The following ECHS1 variants were observed in gnomAD, a reference collection of about 807,000 sequenced individuals.
ECHS1 encodes enoyl-CoA hydratase, mitochondrial.
Under a neutral mutation model 33.5 loss-of-function variants are expected in ECHS1, and 19 were observed. The observed-to-expected ratio is 0.57, with a 90% CI of 0.40 to 0.83. The LOEUF is 0.83. ECHS1 is among the 40% of genes least tolerant of loss of function. The pLI, the probability that ECHS1 is intolerant of heterozygous loss-of-function variation, is 0.00. For missense variants in ECHS1, 365 were observed against 381.3 expected (o/e 0.96, Z 0.36); for synonymous variants, 158 against 146.6 (o/e 1.08, Z -0.56).
rs537624754 is a variant in ECHS1, at chr10:133,371,505, T to C, written c.89-748A>G. On this transcript the variant is annotated intron_variant, in intron 1 of 7. Coordinates refer to ENST00000368547, the MANE Select transcript of ECHS1 (RefSeq NM_004092.4). ...TTGGTACCGCCCCAGTGCCAAGACCTCTGGCCAACTGGACGCAGGGTGGGG... is the reference window on the plus strand; with the variant it reads ...TTGGTACCGCCCCAGTGCCAAGACCCCTGGCCAACTGGACGCAGGGTGGGG... The C allele has an allele frequency of 6.9e-4, 107 of 154,642 alleles. 1 individual carries two copies. The South Asian group carries it at 0.021, about 30-fold the overall frequency. 9.6% of individuals were successfully genotyped at this position (154,642 alleles called of 1,614,324 possible). A position where few individuals can be genotyped will look rare whatever the true frequency, so the allele number is the denominator to read the frequency against.
At chr10:133,363,763 G>C (rs1848996720) in intron 7 of ECHS1, among the ~76,000 whole-genome samples, 1 of 152,182 alleles carries the variant, frequency 6.6e-6, no homozygotes, top group Non-Finnish European at 1.5e-5. Flanking sequence ...CAGCCTGGAC[G>C]ACCGAGCAAG....
rs76117762 is a variant in ECHS1 at position 133,366,594 on chromosome 10, G to A, written c.619+295C>T. Among the ~76,000 whole-genome samples the A allele has an allele frequency of 6.2e-3, 920 of 149,204 alleles. 7 individuals are homozygous for A. The highest frequency in any genetic ancestry group is 0.022 in the African/African-American group (883 of 39,718). Reference sequence around the variant, plus strand: ...CCGTGGGGGCACTTGGATGCTGCCCGGGGTTTCTGTGGGGCTCCCACGAGG... The same window carrying A: ...CCGTGGGGGCACTTGGATGCTGCCCAGGGTTTCTGTGGGGCTCCCACGAGG... On this transcript the variant is annotated intron_variant, in intron 5 of 7. Transcript: ENST00000368547.
In ECHS1 at chr10:133,362,642, C is replaced by G. The variant is rs1848979879; in HGVS notation, c.*226G>C. On this transcript the variant is annotated 3_prime_UTR_variant, in exon 8 of 8. Transcript: ENST00000368547. ...TGCCCAGAGGGACCAGCGGGGGCTC[C>G]TCAGCAGAATCTTAGATTTAGAAGG... 1.7e-6 allele frequency: 1 copy of G among 582,322 alleles called. No homozygotes were observed. The highest frequency in any genetic ancestry group is 3.1e-6 in the Non-Finnish European group (1 of 326,036). 36.1% of individuals were successfully genotyped at this position (582,322 alleles called of 1,614,324 possible).
chr10:133,366,330 G>A (rs572812823), intron 5 of ECHS1, among the ~76,000 whole-genome samples: 6 of 152,360 alleles, frequency 3.9e-5, no homozygotes, highest in African/African-American at 1.2e-4. Flanking sequence ...CAGCTCCGAC[G>A]GCAGAGGCGG....
Position 133,369,969 on chromosome 10 carries a change from A to G in ECHS1, c.349T>C (p.Leu117=), listed in dbSNP as rs1849082679. The part of the protein sequence containing the change: ...SFQDCYSSKF[L]KHWDHLTQVK... ...TGGGTGAGGTGGTCCCAGTGCTTCA[A>G]GAACTTGCTGGAGTAACAGTCCTGG... Residue 117 remains leucine (L), a synonymous_variant, in exon 3 of 8, where the codon TTG becomes CTG. Coordinates refer to ENST00000368547, the MANE Select transcript of ECHS1 (RefSeq NM_004092.4). The G allele has an allele frequency of 1.9e-6, 3 of 1,613,828 alleles. No homozygotes were observed. The highest frequency in any genetic ancestry group is 2.2e-5 in the South Asian group (2 of 91,084).
intron 4 of ECHS1, 54 bp downstream of exon 4, chr10:133,368,869 A>G: frequency 6.5e-7 from 1 of 1,537,868 alleles, no homozygotes; most frequent in Non-Finnish European, 9.0e-7. Flanking sequence ...AGACACAGGC[A>G]GATTTTGAGT....
At chr10:133,368,589 T>C (rs1849063018) in intron 4 of ECHS1, among the ~76,000 whole-genome samples, 1 of 152,034 alleles carries the variant, frequency 6.6e-6, no homozygotes, top group Non-Finnish European at 1.5e-5. Context: ...TGTGCAGAGC[T>C]CCCAGTGCCA....
intron 6 of ECHS1, among the ~76,000 whole-genome samples, chr10:133,365,556 G>A (rs1043261412): frequency 3.9e-5 from 6 of 152,250 alleles, no homozygotes; most frequent in African/African-American, 9.6e-5. Context: ...GGCCAAGAAC[G>A]AACAGCGTGG....
chr10:133,366,498 C>T (rs1249742252), intron 5 of ECHS1, among the ~76,000 whole-genome samples: 1 of 152,278 alleles, frequency 6.6e-6, no homozygotes, highest in South Asian at 2.1e-4. Context: ...ACATACAGTA[C>T]TTCAAAATGT....
At chr10:133,364,370 C>T (rs974667282) in intron 7 of ECHS1, among the ~76,000 whole-genome samples, 2 of 152,152 alleles carry the variant, frequency 1.3e-5, no homozygotes, top group Non-Finnish European at 2.9e-5. Flanking sequence ...CCGGCTGAAA[C>T]TGCATTTTCA....
chr10:133,368,728 C>T (rs968646358), intron 4 of ECHS1, among the ~76,000 whole-genome samples, 195 bp downstream of exon 4: 1 of 152,114 alleles, frequency 6.6e-6, no homozygotes, highest in African/African-American at 2.4e-5. Flanking sequence ...GTCACAGTCC[C>T]GGGACTCTAA....
rs1254543322 is a variant in ECHS1, at chr10:133,366,779, G to GT, written c.619+109_619+110insA. ...GAGGGGGACACCTGGATGCTGCCCC[G>GT]GGTTTCTGTGGGGCTCCCCCGAGGG... On this transcript the variant is annotated intron_variant, in intron 5 of 7. Transcript: ENST00000368547. The GT allele has an allele frequency of 6.8e-5, 52 of 761,782 alleles. No individual in the cohort carries two copies. In the African/African-American group the frequency reaches 1.0e-3, roughly 15 times the overall value. 47.2% of individuals were successfully genotyped at this position (761,782 alleles called of 1,614,324 possible).
chr10:133,369,172 G>T, intron 3 of ECHS1, 150 bp from the exon 4 acceptor site: 1 of 680,544 alleles, frequency 1.5e-6, no homozygotes, highest in Non-Finnish European at 2.5e-6. Context: ...TAATTGTTAT[G>T]ATAAGTTAAC....
In ECHS1 at chr10:133,364,394, T is replaced by G. The variant is rs980891792; in HGVS notation, c.807+264A>C. Among the ~76,000 whole-genome samples the G allele has an allele frequency of 2.0e-5, 3 of 152,250 alleles. No homozygotes were observed. In the East Asian group the frequency reaches 5.8e-4, roughly 29 times the overall value. ...ACTGCATTTTCAATAAAGGAGCTGC[T>G]TGAGGGTGCAATTCACAGACCTCAC... On this transcript the variant is annotated intron_variant, in intron 7 of 7. Transcript: ENST00000368547.
Position 133,366,922 on chromosome 10 carries a change from C to T in ECHS1, c.586G>A (p.Asp196Asn). 6.2e-7 allele frequency: 1 copy of T among 1,612,586 alleles called. No individual in the cohort carries two copies. The highest frequency in any genetic ancestry group is 2.2e-5 in the East Asian group (1 of 44,890). Residue 196 changes from aspartate to asparagine, a missense_variant, in exon 5 of 8, where the codon GAC becomes AAC. Asp to Asn is a conservative substitution (Grantham distance 23). Coordinates refer to ENST00000368547, the MANE Select transcript of ECHS1 (RefSeq NM_004092.4). ...SLAMEMVLTG[D>N]RISAQDAKQA... ...TTGGCGTCCTGGGCTGAGATCCGGT[C>T]ACCAGTGAGGACCATCTCCATCGCC...
chr10:133,371,134 G>A (rs1476066826), intron 1 of ECHS1, among the ~76,000 whole-genome samples: 4 of 152,144 alleles, frequency 2.6e-5, no homozygotes, highest in Non-Finnish European at 5.9e-5. Context: ...AAAATTAGTC[G>A]GGTGTTGTGG....
chr10:133,373,155 G>T, intron 1 of ECHS1, 91 bp downstream of exon 1: 1 of 1,087,816 alleles, frequency 9.2e-7, no homozygotes, highest in South Asian at 1.9e-5. Flanking sequence ...GCGGGGTCAG[G>T]TGGGAGGGGG....
Position 133,370,790 on chromosome 10 carries a change from C to T in ECHS1, c.89-33G>A, listed in dbSNP as rs200195244. On this transcript the variant is annotated intron_variant, in intron 1 of 7. Coordinates refer to ENST00000368547, the MANE Select transcript of ECHS1 (RefSeq NM_004092.4). ...AAGAAGGCAAAAAGGGGTATCTATT[C>T]ACACAGGTATCAAACTGGGGAGAGT... 7.8e-4 allele frequency: 1,241 copies of T among 1,589,144 alleles called. 8 individuals are homozygous for T. The highest frequency in any genetic ancestry group is 7.7e-4 in the Admixed American group (45 of 58,452).
chr10:133,367,130 C>G (rs148902178), intron 4 of ECHS1, 137 bp from the exon 5 acceptor site: 1 of 660,896 alleles, frequency 1.5e-6, no homozygotes, highest in Non-Finnish European at 2.6e-6. Flanking sequence ...CCAGGCAGCA[C>G]AAGAGCCCGG....
Sources: gnomAD v4.1 joint callset for allele counts (sites outside exome capture counted in the v4.1 genomes callset) on GRCh38, gnomAD v4.1.1 for gene constraint, MANE v1.5 for transcripts, NCBI Gene and HGNC (gene_info 2026-07-23, HGNC 2026-07-21) for gene names.